The following PSD3 variants were observed in gnomAD, a reference collection of about 807,000 sequenced individuals.
PSD3 encodes the protein pleckstrin and Sec7 domain containing 3.
A neutral mutation model predicts 105.5 loss-of-function variants in PSD3; 49 were observed. The observed-to-expected ratio is 0.46, with a 90% CI of 0.37 to 0.59. The LOEUF (loss-of-function observed/expected upper bound fraction) is 0.59, where lower values mean the gene tolerates loss of function less well. Ranked by LOEUF, PSD3 falls within the 20% of genes least tolerant of loss-of-function variation. PSD3 has a pLI of 0.00. For missense variants in PSD3, 1,561 were observed against 1,263.8 expected, an observed-to-expected ratio of 1.24 and a Z score of -3.57; for synonymous variants, 557 against 457.8, an observed-to-expected ratio of 1.22 and a Z score of -2.77.
chr8:18,918,920 C>T (rs1820807015), intron 2 of PSD3, among the ~76,000 whole-genome samples: 1 of 152,072 alleles, frequency 6.6e-6, no homozygotes, highest in Admixed American at 6.6e-5. Flanking sequence ...TCTGGTCTTG[C>T]AATATTTTTA....
chr8:18,737,689 CG>C (rs902433552), intron 9 of PSD3, among the ~76,000 whole-genome samples: 2 of 152,214 alleles, frequency 1.3e-5, no homozygotes, highest in African/African-American at 2.4e-5. Context: ...ATATCAGTTT[CG>C]GAGGGGAAAG....
intron 12 of PSD3, among the ~76,000 whole-genome samples, chr8:18,593,128 C>T (rs1043090853): frequency 3.9e-5 from 6 of 152,118 alleles, no homozygotes; most frequent in African/African-American, 1.2e-4. Context: ...CAAATGGGAT[C>T]TAATTAAACT....
At chr8:19,069,330 C>T (rs1829178615) in intron 1 of PSD3, among the ~76,000 whole-genome samples, 1 of 152,090 alleles carries the variant, frequency 6.6e-6, no homozygotes. Flanking sequence ...GCTTAGCTTG[C>T]TTGAAATAAC....
At position 18,532,857 on chromosome 8, in the gene PSD3, CA is replaced by C. The variant is rs1799688995; in HGVS notation, c.*2885del. 6.6e-6 allele frequency: 1 copy of C among 152,088 alleles called. No individual in the cohort carries two copies. The highest frequency in any genetic ancestry group is 1.5e-5 in the Non-Finnish European group (1 of 68,040). The allele number at this position is 152,088 out of a possible 1,614,324, so 9.4% of individuals were successfully genotyped here. A position where few individuals can be genotyped will look rare whatever the true frequency, so the allele number is the denominator to read the frequency against. On this transcript the variant is annotated 3_prime_UTR_variant, in exon 16 of 16. Transcript: ENST00000327040. ...GTCAATTTTGCAACAACACTATGAC[CA>C]AGGCATTCTGATAGCTGTCAAGATT...
chr8:18,821,220 C>T (rs535466003), intron 4 of PSD3, among the ~76,000 whole-genome samples: 1 of 149,162 alleles, frequency 6.7e-6, no homozygotes, highest in African/African-American at 2.5e-5. Flanking sequence ...ATGGCCAATT[C>T]CTCAAACAAG....
intron 12 of PSD3, among the ~76,000 whole-genome samples, chr8:18,596,769 A>T (rs950524966): frequency 3.9e-5 from 6 of 152,120 alleles, no homozygotes; most frequent in Admixed American, 3.3e-4. Context: ...TACCAAGATG[A>T]ATTACGGAGA....
intron 8 of PSD3, among the ~76,000 whole-genome samples, chr8:18,780,357 TTG>T (rs1554498400): frequency 6.6e-6 from 1 of 152,142 alleles, no homozygotes; most frequent in Non-Finnish European, 1.5e-5. Context: ...CATTTTTTTT[TTG>T]TTTTTCTATT....
chr8:18,656,368 T>C (rs1289999715), intron 9 of PSD3, among the ~76,000 whole-genome samples: 1 of 151,802 alleles, frequency 6.6e-6, no homozygotes, highest in Admixed American at 6.6e-5. Flanking sequence ...GCTTTTTTTT[T>C]TTCGTTAATG....
chr8:18,586,014 G>A (rs1803159846), intron 12 of PSD3, among the ~76,000 whole-genome samples: 3 of 152,036 alleles, frequency 2.0e-5, no homozygotes, highest in Non-Finnish European at 4.4e-5. Context: ...TGAGGAAGCT[G>A]GGGAGAGCGA....
chr8:18,822,588 T>A (rs1033338593), intron 4 of PSD3, among the ~76,000 whole-genome samples: 1 of 152,280 alleles, frequency 6.6e-6, no homozygotes, highest in East Asian at 1.9e-4. Context: ...CGCCAATATC[T>A]CCCTAGCGAC....
At chr8:18,696,636 A>G (rs1223266631) in intron 9 of PSD3, among the ~76,000 whole-genome samples, 2 of 152,220 alleles carry the variant, frequency 1.3e-5, no homozygotes, top group East Asian at 3.9e-4. Context: ...ACATTATAAT[A>G]AGTATCACAG....
chr8:18,684,672 AT>A lies in PSD3; in HGVS notation c.2173-28988del, dbSNP rs113327283. Among the ~76,000 whole-genome samples, 33 of 152,346 alleles carry A rather than the reference AT, an allele frequency of 2.2e-4. 1 individual carries two copies. Among genetic ancestry groups the A allele is most frequent in the African/African-American group, 7.7e-4 (32 of 41,586 alleles). On this transcript the variant is annotated intron_variant, in intron 9 of 15. Coordinates refer to ENST00000327040, the MANE Select transcript of PSD3 (RefSeq NM_015310.4). ...ACGACAGCCAGATATTTCAAGAGGA[AT>A]TATGTCAGTGTGTACGGCAAATCCA...
intron 9 of PSD3, among the ~76,000 whole-genome samples, chr8:18,743,895 C>T (rs1037906345): frequency 4.0e-5 from 6 of 151,658 alleles, no homozygotes; most frequent in Non-Finnish European, 8.8e-5. Context: ...TTTGTGGTTG[C>T]AGTGAGATAT....
intron 2 of PSD3, among the ~76,000 whole-genome samples, chr8:18,923,186 T>A (rs1207531556): frequency 6.7e-6 from 1 of 149,686 alleles, no homozygotes; most frequent in Non-Finnish European, 1.5e-5. Context: ...CAACAGCTGA[T>A]GAGCTTTGAA....
At chr8:18,761,906 C>T (rs1306832169) in intron 9 of PSD3, among the ~76,000 whole-genome samples, 1 of 152,108 alleles carries the variant, frequency 6.6e-6, no homozygotes, top group Non-Finnish European at 1.5e-5. Context: ...GTGAATCATA[C>T]CAGATGATCT....
At chr8:19,054,340 G>A (rs1013292517) in intron 1 of PSD3, among the ~76,000 whole-genome samples, 3 of 152,126 alleles carry the variant, frequency 2.0e-5, no homozygotes, top group African/African-American at 4.8e-5. Context: ...AGAGTATCCC[G>A]TGTTACCCAA....
intron 1 of PSD3, among the ~76,000 whole-genome samples, chr8:18,977,259 CAA>C (rs36071554): frequency 9.7e-5 from 11 of 113,150 alleles, no homozygotes; most frequent in Admixed American, 9.8e-5. Flanking sequence ...CACCCTATCT[CAA>C]AAAAAAAAAA....
intron 4 of PSD3, among the ~76,000 whole-genome samples, chr8:18,822,833 A>G (rs1362951892): frequency 1.3e-5 from 2 of 152,194 alleles, no homozygotes; most frequent in African/African-American, 4.8e-5. Flanking sequence ...CTCAAATAAA[A>G]AAATCCATGT....
At chr8:18,600,273 C>A (rs1804339480) in intron 12 of PSD3, 91 bp downstream of exon 12, 3 of 1,163,498 alleles carry the variant, frequency 2.6e-6, no homozygotes, top group Non-Finnish European at 3.7e-6. Flanking sequence ...AGTGAAACCA[C>A]AGATAAGGGA....
Sources: allele counts gnomAD v4.1 joint callset (sites outside exome capture counted in the v4.1 genomes callset), GRCh38; gene constraint gnomAD v4.1.1; transcripts MANE v1.5; gene names NCBI Gene and HGNC (gene_info 2026-07-23, HGNC 2026-07-21).